PHACTR1: variants seen among roughly 807,000 people sequenced by gnomAD.
PHACTR1 encodes RPEL repeat containing 1.
A neutral mutation model predicts 69.2 loss-of-function variants in PHACTR1; 16 were observed. That is an observed-to-expected ratio of 0.23 (90% CI 0.16 to 0.35). The LOEUF (loss-of-function observed/expected upper bound fraction) is 0.35. Among genes scored for constraint, PHACTR1 ranks in the 10% least tolerant of loss-of-function variants. The pLI, the probability that PHACTR1 is intolerant of heterozygous loss-of-function variation, is 1.00. For missense variants in PHACTR1, 510 were observed against 734.7 expected (o/e 0.69, Z 3.54); for synonymous variants, 312 against 284.5 (o/e 1.10, Z -0.97).
intron 4 of PHACTR1, among the ~76,000 whole-genome samples, chr6:12,777,707 C>T (rs1770267043): frequency 7.1e-6 from 1 of 140,192 alleles, no homozygotes; most frequent in East Asian, 2.5e-4. Context: ...TCTCAGTTCA[C>T]TGCAACCTAT....
chr6:13,104,586 G>C (rs1325041952), intron 5 of PHACTR1, among the ~76,000 whole-genome samples: 1 of 152,046 alleles, frequency 6.6e-6, no homozygotes, highest in Non-Finnish European at 1.5e-5. Flanking sequence ...TTTGCAAATA[G>C]ATCAAGTTTT....
intron 4 of PHACTR1, among the ~76,000 whole-genome samples, chr6:13,009,872 ACC>A: frequency 6.8e-6 from 1 of 146,074 alleles, no homozygotes; most frequent in Non-Finnish European, 1.5e-5. Flanking sequence ...CACCACCACC[ACC>A]ACCACCACCA....
chr6:13,081,341 A>G (rs1401956184), intron 5 of PHACTR1, among the ~76,000 whole-genome samples: 1 of 152,200 alleles, frequency 6.6e-6, no homozygotes, highest in Non-Finnish European at 1.5e-5. Flanking sequence ...TTGGATTTTA[A>G]AACAACGAAT....
chr6:13,260,809 ATAT>A (rs1174773950), intron 10 of PHACTR1, among the ~76,000 whole-genome samples: 1 of 152,242 alleles, frequency 6.6e-6, no homozygotes, highest in Non-Finnish European at 1.5e-5. Context: ...CAAAGGTATC[ATAT>A]AATAGAGAAA....
At chr6:13,067,466 TGAAGGAAGA>T (rs1808825933) in intron 5 of PHACTR1, among the ~76,000 whole-genome samples, 1 of 152,176 alleles carries the variant, frequency 6.6e-6, no homozygotes, top group East Asian at 1.9e-4. Context: ...TAAAGAAATG[TGAAGGAAGA>T]GAAGCTCATC....
intron 10 of PHACTR1, among the ~76,000 whole-genome samples, chr6:13,239,873 T>C (rs983630682): frequency 1.3e-5 from 2 of 152,182 alleles, no homozygotes; most frequent in African/African-American, 4.8e-5. Context: ...CAGTACCGCA[T>C]GTTGAGGAGC....
At chr6:13,258,333 C>T (rs1775467029) in intron 10 of PHACTR1, among the ~76,000 whole-genome samples, 1 of 148,062 alleles carries the variant, frequency 6.8e-6, no homozygotes, top group Admixed American at 6.9e-5. Flanking sequence ...CCAGCCTCGG[C>T]GACAGAGAGA....
chr6:12,973,265 C>A (rs530250912), intron 4 of PHACTR1, among the ~76,000 whole-genome samples: 1 of 152,174 alleles, frequency 6.6e-6, no homozygotes, highest in Non-Finnish European at 1.5e-5. Flanking sequence ...TTATTTATAA[C>A]AACAAAAGCA....
chr6:12,849,108 G>C (rs1561942446), intron 4 of PHACTR1, among the ~76,000 whole-genome samples: 1 of 152,138 alleles, frequency 6.6e-6, no homozygotes, highest in Non-Finnish European at 1.5e-5. Context: ...CCTCTCCCCA[G>C]CAGGAAGTCT....
chr6:13,059,786 G>A (rs952316269), intron 5 of PHACTR1, among the ~76,000 whole-genome samples: 1 of 152,260 alleles, frequency 6.6e-6, no homozygotes, highest in South Asian at 2.1e-4. Context: ...AATTTTAGGT[G>A]TGTAGATATG....
intron 3 of PHACTR1, among the ~76,000 whole-genome samples, chr6:12,720,173 G>A (rs969133291): frequency 6.6e-6 from 1 of 152,202 alleles, no homozygotes; most frequent in Non-Finnish European, 1.5e-5. Context: ...GAGGTTGGAA[G>A]GGGGTGGGGG....
At chr6:13,133,617 A>G (rs1820925896) in intron 5 of PHACTR1, among the ~76,000 whole-genome samples, 1 of 152,060 alleles carries the variant, frequency 6.6e-6, no homozygotes, top group African/African-American at 2.4e-5. Flanking sequence ...CCCAGGCTGG[A>G]GTGCAGTGGC....
At chr6:12,823,851 C>T (rs1776478787) in intron 4 of PHACTR1, among the ~76,000 whole-genome samples, 1 of 152,204 alleles carries the variant, frequency 6.6e-6, no homozygotes, top group African/African-American at 2.4e-5. Flanking sequence ...TCATTAGCTA[C>T]TGGGATCATT....
intron 4 of PHACTR1, among the ~76,000 whole-genome samples, chr6:12,859,319 G>T (rs1232737081): frequency 6.6e-6 from 1 of 152,098 alleles, no homozygotes; most frequent in Non-Finnish European, 1.5e-5. Context: ...CCATAAAAGA[G>T]CTGGTCAACA....
intron 4 of PHACTR1, among the ~76,000 whole-genome samples, chr6:13,032,344 T>C (rs1802564716): frequency 6.6e-6 from 1 of 152,248 alleles, no homozygotes; most frequent in African/African-American, 2.4e-5. Flanking sequence ...TGTGCTTTTA[T>C]TCTCTTCTCC....
At chr6:12,936,047 T>TAA (rs71659897) in intron 4 of PHACTR1, among the ~76,000 whole-genome samples, 8 of 143,756 alleles carry the variant, frequency 5.6e-5, no homozygotes, top group Admixed American at 1.4e-4. Context: ...TGAGTGTCAT[T>TAA]AAAAAAAAAA....
intron 12 of PHACTR1, 67 bp downstream of exon 12, chr6:13,278,396 C>A: frequency 4.8e-6 from 7 of 1,464,246 alleles, no homozygotes; most frequent in East Asian, 2.4e-5. Flanking sequence ...CCTCTGCCCT[C>A]TGCTGGCCTC....
At chr6:12,768,434 A>G (rs1426779023) in intron 4 of PHACTR1, among the ~76,000 whole-genome samples, 1 of 152,138 alleles carries the variant, frequency 6.6e-6, no homozygotes, top group Non-Finnish European at 1.5e-5. Context: ...TTAAGAACAG[A>G]TCCTGGAAGA....
chr6:12,927,324 G>T (rs905670996), intron 4 of PHACTR1, among the ~76,000 whole-genome samples: 1 of 152,148 alleles, frequency 6.6e-6, no homozygotes, highest in East Asian at 1.9e-4. Context: ...TTGGGGCTAG[G>T]TCTTCTTTGT....
Sources: gnomAD v4.1 joint callset for allele counts (sites outside exome capture counted in the v4.1 genomes callset) on GRCh38, gnomAD v4.1.1 for gene constraint, MANE v1.5 for transcripts, NCBI Gene and HGNC (gene_info 2026-07-23, HGNC 2026-07-21) for gene names.